The following SNRK variants were observed in gnomAD, a reference collection of about 807,000 sequenced individuals.
SNRK encodes the protein SNF-related serine/threonine-protein kinase.
SNRK carries 3 observed loss-of-function variants against 48.2 expected under a neutral mutation model. The ratio of observed to expected loss-of-function variants is 0.06; its 90% CI spans 0.03 to 0.16. The LOEUF is 0.16. Ranked by LOEUF, SNRK falls within the 10% of genes least tolerant of loss-of-function variation. The probability of loss-of-function intolerance (pLI) is 1.00; values close to 1 mark genes in which losing one functional copy is unlikely to be tolerated. For missense variants in SNRK, 627 were observed against 976.0 expected (o/e 0.64, Z 4.76); for synonymous variants, 376 against 366.1 (o/e 1.03, Z -0.31).
intron 3 of SNRK, among the ~76,000 whole-genome samples, chr3:43,314,262 T>C (rs2090999175): frequency 6.6e-6 from 1 of 152,202 alleles, no homozygotes; most frequent in South Asian, 2.1e-4. Flanking sequence ...TAGAATTGTG[T>C]TCTTAAGCAT....
In SNRK at chr3:43,303,109, G is replaced by A. The variant is rs1343078549; in HGVS notation, c.-95G>A. The A allele has an allele frequency of 1.8e-5, 15 of 829,170 alleles. No homozygotes were observed. The highest frequency in any genetic ancestry group is 2.7e-5 in the Non-Finnish European group (15 of 547,630). The allele number at this position is 829,170 out of a possible 1,614,324, so 51.4% of individuals were successfully genotyped here. On this transcript the variant is annotated 5_prime_UTR_variant, in exon 3 of 7. Transcript: ENST00000296088. This position sits in a 1 kb window ranked among gnomAD's most constrained non-coding sequence, Gnocchi z 6.2. ...TTCTTATTTTGTAGATATCCATGAC[G>A]ACATTGAAAATGAATTTTTTGTATT...
chr3:43,330,421 A>G (rs1339102142), intron 3 of SNRK, among the ~76,000 whole-genome samples: 2 of 152,212 alleles, frequency 1.3e-5, no homozygotes, highest in East Asian at 3.8e-4. Context: ...AGGGAGAATA[A>G]TTGTAATTGC....
At chr3:43,325,186 G>A (rs1694853680) in intron 3 of SNRK, among the ~76,000 whole-genome samples, 2 of 152,102 alleles carry the variant, frequency 1.3e-5, no homozygotes, top group Non-Finnish European at 2.9e-5. Context: ...TTGTTTTTGA[G>A]ACGGAGTCTC....
Position 43,343,439 on chromosome 3 carries a change from C to G in SNRK, c.1040C>G (p.Thr347Ser). The stretch of plus-strand genomic sequence containing the variant: ...GAAAAGCAAGAGAAAGAAATACAGA[C>G]CAGATCTGCAAGCCCGAGCAATATC... Reference protein sequence around the residue: ...LREKQEKEIQTRSASPSNIKA... With the variant: ...LREKQEKEIQSRSASPSNIKA... The change falls in exon 6 of 7, where the codon ACC (threonine) becomes AGC (serine). Residue 347 changes from threonine (T) to serine (S), a missense_variant. Coordinates refer to ENST00000296088, the MANE Select transcript of SNRK (RefSeq NM_017719.5). 6.2e-7 allele frequency: 1 copy of G among 1,613,842 alleles called. No homozygotes were observed. Among genetic ancestry groups the G allele is most frequent in the African/African-American group, 1.3e-5 (1 of 74,944 alleles).
At chr3:43,326,766 A>T (rs551740230) in intron 3 of SNRK, among the ~76,000 whole-genome samples, 1 of 152,180 alleles carries the variant, frequency 6.6e-6, no homozygotes, top group Non-Finnish European at 1.5e-5. Flanking sequence ...GGGGAAAAAA[A>T]TGATAAGCTT....
chr3:43,311,237 T>C (rs1221022132), intron 3 of SNRK, among the ~76,000 whole-genome samples: 1 of 152,146 alleles, frequency 6.6e-6, no homozygotes, highest in East Asian at 1.9e-4. Flanking sequence ...TAGTGTAGAA[T>C]TATAAGGTAG....
At chr3:43,331,732 C>A (rs1034814357) in intron 3 of SNRK, among the ~76,000 whole-genome samples, 1 of 152,114 alleles carries the variant, frequency 6.6e-6, no homozygotes, top group East Asian at 1.9e-4. Context: ...ACCTGGTTAC[C>A]TCACTAGCGT....
At chr3:43,295,223 T>C (rs2090843551) in intron 1 of SNRK, among the ~76,000 whole-genome samples, 2 of 152,250 alleles carry the variant, frequency 1.3e-5, no homozygotes, top group African/African-American at 4.8e-5. Flanking sequence ...GCCTAACTCC[T>C]GAGTACATTC....
At chr3:43,288,863 C>G (rs1285034269) in intron 1 of SNRK, among the ~76,000 whole-genome samples, 1 of 152,172 alleles carries the variant, frequency 6.6e-6, no homozygotes, top group Non-Finnish European at 1.5e-5. Context: ...AACTGTTATT[C>G]AGAATTTAGG....
intron 3 of SNRK, among the ~76,000 whole-genome samples, chr3:43,326,690 G>A (rs1165385130): frequency 6.6e-6 from 1 of 152,112 alleles, no homozygotes; most frequent in African/African-American, 2.4e-5. Context: ...CCTCAGAGTA[G>A]GGAGTCTGGG....
At chr3:43,323,024 A>G (rs2091067327) in intron 3 of SNRK, among the ~76,000 whole-genome samples, 1 of 152,002 alleles carries the variant, frequency 6.6e-6, no homozygotes, top group Admixed American at 6.6e-5. Context: ...AAAGTCCATA[A>G]ATAAACCTAC....
Position 43,348,092 on chromosome 3 carries a change from C to T in SNRK, c.1833C>T (p.Gly611=), listed in dbSNP as rs1426562660. The change falls in exon 7 of 7, where the codon GGC becomes GGT. Residue 611 remains glycine (G), a synonymous_variant. Transcript: ENST00000296088. ...NNAGGGSPSS[G]SGGNPTNTSG... ...CTGGTGGGGGCAGTCCCTCCAGCGG[C>T]TCGGGTGGCAACCCCACCAATACAT... 1 of 1,589,676 alleles carries T rather than the reference C, an allele frequency of 6.3e-7. No individual in the cohort carries two copies. The highest frequency in any genetic ancestry group is 8.6e-7 in the Non-Finnish European group (1 of 1,168,188).
At chr3:43,300,296 A>G (rs1235118431) in intron 2 of SNRK, among the ~76,000 whole-genome samples, 3 of 152,096 alleles carry the variant, frequency 2.0e-5, no homozygotes, top group African/African-American at 7.2e-5. Flanking sequence ...GTTTAATAGT[A>G]CTTATCTCTA....
chr3:43,299,485 A>G (rs938225030), intron 1 of SNRK, among the ~76,000 whole-genome samples: 3 of 152,014 alleles, frequency 2.0e-5, no homozygotes, highest in Admixed American at 6.6e-5. Flanking sequence ...CTTGTTCATT[A>G]TTATTTCTTC....
chr3:43,302,867 A>G (rs1380410431), intron 2 of SNRK, among the ~76,000 whole-genome samples: 1 of 149,910 alleles, frequency 6.7e-6, no homozygotes, highest in Non-Finnish European at 1.5e-5. Flanking sequence ...CTTCCAATGA[A>G]CTAATTTTTT....
At chr3:43,305,393 A>T (rs9819446) in intron 3 of SNRK, among the ~76,000 whole-genome samples, 152,278 of 152,280 alleles carry the variant, frequency 1, 76,138 homozygotes, top group Non-Finnish European at 1. Context: ...AAATTAAACA[A>T]TTTGCCAACA....
At chr3:43,300,464 C>T (rs950465462) in intron 2 of SNRK, among the ~76,000 whole-genome samples, 1 of 152,024 alleles carries the variant, frequency 6.6e-6, no homozygotes, top group African/African-American at 2.4e-5. Context: ...AGTTATATAA[C>T]TTGGGGGCAG....
At chr3:43,301,690 G>A (rs1214034085) in intron 2 of SNRK, among the ~76,000 whole-genome samples, 1 of 152,104 alleles carries the variant, frequency 6.6e-6, no homozygotes, top group African/African-American at 2.4e-5. Context: ...TTATCTAAGT[G>A]GACTCAATAA....
chr3:43,336,558 A>G (rs1335706524), intron 4 of SNRK, among the ~76,000 whole-genome samples: 1 of 152,074 alleles, frequency 6.6e-6, no homozygotes, highest in Non-Finnish European at 1.5e-5. Flanking sequence ...TCTTGAACTC[A>G]TGGTCTCAAG....
Sources: gnomAD v4.1 joint callset for allele counts (sites outside exome capture counted in the v4.1 genomes callset) on GRCh38, gnomAD v4.1.1 for gene constraint, Gnocchi (gnomAD v3.1) non-coding constraint, MANE v1.5 for transcripts, NCBI Gene and HGNC (gene_info 2026-07-23, HGNC 2026-07-21) for gene names.